The following PIBF1 variants were observed in gnomAD, a reference collection of about 807,000 sequenced individuals.
PIBF1 encodes progesterone-induced-blocking factor 1.
In PIBF1, 90 loss-of-function variants were observed where a neutral mutation model predicts 112.5. The ratio of observed to expected loss-of-function variants is 0.80; its 90% CI spans 0.67 to 0.95. The LOEUF (loss-of-function observed/expected upper bound fraction) is 0.95. Among genes scored for constraint, PIBF1 ranks in the 40% least tolerant of loss-of-function variants. The pLI, the probability that PIBF1 is intolerant of heterozygous loss-of-function variation, is 0.00. For synonymous variants in PIBF1, 301 were observed against 288.6 expected, an observed-to-expected ratio of 1.04 and a Z score of -0.44; for missense variants, 915 against 852.3, an observed-to-expected ratio of 1.07 and a Z score of -0.92.
intron 8 of PIBF1, among the ~76,000 whole-genome samples, chr13:72,832,727 G>A (rs565506049): frequency 1.6e-4 from 24 of 152,174 alleles, no homozygotes; most frequent in African/African-American, 4.8e-4. Flanking sequence ...CAACCTTGGC[G>A]AATCTGACAA....
chr13:72,806,824 CAT>C (rs1484663585), intron 5 of PIBF1, among the ~76,000 whole-genome samples: 15 of 152,076 alleles, frequency 9.9e-5, no homozygotes, highest in Middle Eastern at 3.2e-3. Flanking sequence ...CCACAATAAA[CAT>C]GTGTGCATGT....
chr13:72,824,611 A>G (rs1365395599), intron 6 of PIBF1, among the ~76,000 whole-genome samples: 1 of 152,192 alleles, frequency 6.6e-6, no homozygotes, highest in Non-Finnish European at 1.5e-5. Context: ...ATAAATGTAT[A>G]TGCATGTAAG....
intron 16 of PIBF1, among the ~76,000 whole-genome samples, chr13:72,987,061 T>C (rs2043314134): frequency 6.6e-6 from 1 of 152,232 alleles, no homozygotes; most frequent in Non-Finnish European, 1.5e-5. Context: ...CTTCTTTCTT[T>C]ATTCTGTTCT....
chr13:72,993,040 T>TA (rs1354978711), intron 16 of PIBF1, among the ~76,000 whole-genome samples: 1 of 152,194 alleles, frequency 6.6e-6, no homozygotes, highest in Non-Finnish European at 1.5e-5. Flanking sequence ...TTCCCTAATA[T>TA]AAAAATCAGT....
rs149187554 is a variant in PIBF1, at chr13:72,854,140, A to T, written c.1307A>T (p.Asp436Val). 3 of 1,604,942 alleles carry T rather than the reference A, an allele frequency of 1.9e-6. No homozygotes were observed. Among genetic ancestry groups the T allele is most frequent in the East Asian group, 2.2e-5 (1 of 44,836 alleles). Residue 436 changes from aspartate (D) to valine (V), a missense_variant, in exon 10 of 18, where the codon GAT becomes GTT. Coordinates refer to ENST00000326291, the MANE Select transcript of PIBF1 (RefSeq NM_006346.4). Reference protein sequence around the residue: ...MAEKDALEKHDQLLDRYRELQ... With the variant: ...MAEKDALEKHVQLLDRYRELQ... ...GAAAAGGATGCTTTAGAAAAACACG[A>T]TCAGCTCTTAGACAGGTAAGCATCA... is the stretch of plus-strand genomic sequence containing the variant.
At position 72,927,658 on chromosome 13, in the gene PIBF1, G is replaced by C. The variant is rs367581760; in HGVS notation, c.1731-3507G>C. Among the ~76,000 whole-genome samples the C allele has an allele frequency of 8.6e-5, 13 of 151,570 alleles. No individual in the cohort carries two copies. In the East Asian group the frequency reaches 1.4e-3, roughly 16 times the overall value. ...TGCCTTGGCCTAATTTTTTTTTACT[G>C]TTTTTGTTTTACTGTAAGTATTATA... On this transcript the variant is annotated intron_variant, in intron 13 of 17. Coordinates refer to ENST00000326291, the MANE Select transcript of PIBF1 (RefSeq NM_006346.4).
At chr13:73,005,574 CATTT>C (rs1302168448) in intron 17 of PIBF1, among the ~76,000 whole-genome samples, 2 of 151,670 alleles carry the variant, frequency 1.3e-5, no homozygotes, top group Non-Finnish European at 2.9e-5. Context: ...TAATTTTTCT[CATTT>C]ATTCATGAGG....
chr13:72,876,134 C>CTTTTTTTTTTTTTTTTT lies in PIBF1; in HGVS notation c.1323-17647_1323-17631dup, dbSNP rs386363749. On this transcript the variant is annotated intron_variant, in intron 10 of 17. Coordinates refer to ENST00000326291, the MANE Select transcript of PIBF1 (RefSeq NM_006346.4). ...AAAGGTGTAAGTCTGTGTTCAGATT[C>CTTTTTTTTTTTTTTTTT]TTTTTTTTTTTTTTTTTTTGCATGT... 7.7e-5 allele frequency among the ~76,000 whole-genome samples: 7 copies of CTTTTTTTTTTTTTTTTT among 91,214 alleles called. 2 individuals are homozygous for CTTTTTTTTTTTTTTTTT. Among genetic ancestry groups the CTTTTTTTTTTTTTTTTT allele is most frequent in the Admixed American group, 4.8e-4 (3 of 6,292 alleles). The allele number at this position is 91,214 out of a possible 152,430, so 59.8% of individuals were successfully genotyped here.
intron 5 of PIBF1, among the ~76,000 whole-genome samples, chr13:72,802,204 C>T (rs1481517730): frequency 6.6e-6 from 1 of 151,980 alleles, no homozygotes; most frequent in Non-Finnish European, 1.5e-5. Flanking sequence ...ACCCCTGTAT[C>T]GTCCAAGGGT....
Position 72,965,247 on chromosome 13 carries a change from A to G in PIBF1, c.1834-27A>G, listed in dbSNP as rs780905221. On this transcript the variant is annotated intron_variant, in intron 14 of 17. Coordinates refer to ENST00000326291, the MANE Select transcript of PIBF1 (RefSeq NM_006346.4). ...TTTATTTTGTTGTCACATTTTCTAG[A>G]TTTTAATGAAACCTGTGTTTCTTTA... is the stretch of plus-strand genomic sequence containing the variant. The G allele has an allele frequency of 1.6e-5, 25 of 1,598,354 alleles. No individual in the cohort carries two copies. The South Asian group carries it at 2.0e-4, about 13-fold the overall frequency.
chr13:72,827,848 T>A lies in PIBF1; in HGVS notation c.1031T>A (p.Leu344His). 6.3e-7 allele frequency: 1 copy of A among 1,595,702 alleles called. No individual in the cohort carries two copies. The highest frequency in any genetic ancestry group is 2.3e-5 in the East Asian group (1 of 44,078). The change falls in exon 8 of 18, where the codon CTT (leucine) becomes CAT (histidine). Residue 344 changes from leucine to histidine, a missense_variant. By Grantham distance (99) the Leu-to-His change is moderately conservative (BLOSUM62 -3). Transcript: ENST00000326291. ...CAHEEDRLERLQAQLEESKKA... is the reference protein window; with the variant it reads ...CAHEEDRLERHQAQLEESKKA... Reference sequence around the variant, plus strand: ...CATGAAGAGGATCGCCTTGAAAGACTTCAAGCTCAACTGGAAGAAAGCAAA... The same window carrying A: ...CATGAAGAGGATCGCCTTGAAAGACATCAAGCTCAACTGGAAGAAAGCAAA...
chr13:72,999,365 T>A (rs1240248031), intron 17 of PIBF1, among the ~76,000 whole-genome samples: 1 of 151,842 alleles, frequency 6.6e-6, no homozygotes, highest in Non-Finnish European at 1.5e-5. Flanking sequence ...ATAGAGAAAA[T>A]AAATTAGGAA....
chr13:72,887,990 T>C (rs2039923144), intron 10 of PIBF1, among the ~76,000 whole-genome samples: 1 of 152,178 alleles, frequency 6.6e-6, no homozygotes, highest in Non-Finnish European at 1.5e-5. Context: ...TTGGTATTGC[T>C]CAATTCAGTT....
At chr13:72,968,633 G>A (rs1169965187) in intron 15 of PIBF1, among the ~76,000 whole-genome samples, 1 of 151,650 alleles carries the variant, frequency 6.6e-6, no homozygotes, top group Non-Finnish European at 1.5e-5. Context: ...TGTTACTGAG[G>A]AACTAAATTT....
intron 17 of PIBF1, among the ~76,000 whole-genome samples, chr13:73,009,384 T>A (rs1444125480): frequency 6.6e-6 from 1 of 152,198 alleles, no homozygotes; most frequent in Non-Finnish European, 1.5e-5. Context: ...ACCTCTGCAC[T>A]TGATCTCAGC....
chr13:72,933,025 A>G (rs978136072), intron 14 of PIBF1, among the ~76,000 whole-genome samples: 1 of 152,202 alleles, frequency 6.6e-6, no homozygotes, highest in Non-Finnish European at 1.5e-5. Flanking sequence ...TTTGTATGAA[A>G]TAATAGAGAA....
intron 5 of PIBF1, 87 bp downstream of exon 5, chr13:72,798,113 C>A: frequency 7.2e-7 from 1 of 1,383,540 alleles, no homozygotes; most frequent in South Asian, 1.7e-5. Flanking sequence ...ATATAAAAGT[C>A]AGTGATTGAA....
intron 16 of PIBF1, among the ~76,000 whole-genome samples, chr13:72,995,687 C>T (rs1179620082): frequency 6.6e-6 from 1 of 152,092 alleles, no homozygotes; most frequent in Non-Finnish European, 1.5e-5. Context: ...CACAGTGACT[C>T]ACGCCTGTAA....
In PIBF1 at chr13:72,973,599, A is replaced by G; in HGVS notation, c.1973A>G (p.Asn658Ser). 6.5e-7 allele frequency: 1 copy of G among 1,547,852 alleles called. No homozygotes were observed. ...AQLEKDVSNL[N>S]KEKSALLQTK... ...GGGGTTTTTTTTTTCAGCAACTTAA[A>G]TAAAGAAAAGTCAGCTTTACTACAG... The change falls in exon 16 of 18, where the codon AAT (asparagine) becomes AGT (serine). Residue 658 changes from asparagine to serine, a missense_variant. By Grantham distance (46) the Asn-to-Ser change is conservative. Coordinates refer to ENST00000326291, the MANE Select transcript of PIBF1 (RefSeq NM_006346.4).
Sources: allele counts gnomAD v4.1 joint callset (sites outside exome capture counted in the v4.1 genomes callset), GRCh38; gene constraint gnomAD v4.1.1; transcripts MANE v1.5; gene names NCBI Gene and HGNC (gene_info 2026-07-23, HGNC 2026-07-21).